The following RELN variants were observed in gnomAD, a reference collection of about 807,000 sequenced individuals.
The protein encoded by RELN is reelin.
RELN carries 108 observed loss-of-function variants against 427.6 expected under a neutral mutation model. That is an observed-to-expected ratio of 0.25 (90% CI 0.22 to 0.30). The LOEUF (loss-of-function observed/expected upper bound fraction) is 0.30, where lower values mean the gene tolerates loss of function less well. Ranked by LOEUF, RELN falls within the 10% of genes least tolerant of loss-of-function variation. The probability of loss-of-function intolerance (pLI) is 1.00; values close to 1 mark genes in which losing one functional copy is unlikely to be tolerated. For synonymous variants in RELN, 1,524 were observed against 1,513.4 expected, an observed-to-expected ratio of 1.01 and a Z score of -0.16; for missense variants, 3,715 against 4,302.8, an observed-to-expected ratio of 0.86 and a Z score of 3.82.
chr7:103,985,216 C>T (rs889036367), intron 1 of RELN, among the ~76,000 whole-genome samples: 2 of 152,058 alleles, frequency 1.3e-5, no homozygotes, highest in South Asian at 4.1e-4. Context: ...GCCGGACTTA[C>T]AAAATACAGT....
intron 22 of RELN, among the ~76,000 whole-genome samples, chr7:103,609,247 T>C (rs941923744): frequency 6.7e-5 from 10 of 148,864 alleles, no homozygotes; most frequent in African/African-American, 2.2e-4. Flanking sequence ...AAAAATACAC[T>C]ATCAGTAGTA....
intron 1 of RELN, among the ~76,000 whole-genome samples, chr7:103,922,084 AATAAG>A (rs1584369797): frequency 1.3e-5 from 2 of 152,314 alleles, no homozygotes. Context: ...ATAAGAATAA[AATAAG>A]ATAAAATTGA....
chr7:103,956,522 T>C (rs1249222277), intron 1 of RELN, among the ~76,000 whole-genome samples: 5 of 152,200 alleles, frequency 3.3e-5, no homozygotes, highest in African/African-American at 4.8e-5. Context: ...AAAAATCTTA[T>C]GAGAAAATCT....
At chr7:103,709,583 A>C (rs1789739232) in intron 8 of RELN, among the ~76,000 whole-genome samples, 1 of 152,196 alleles carries the variant, frequency 6.6e-6, no homozygotes, top group African/African-American at 2.4e-5. Context: ...TGAAGGGCCC[A>C]GGCAGCCTCT....
intron 51 of RELN, 29 bp from the exon 52 acceptor site, chr7:103,503,259 A>AT: frequency 6.3e-7 from 1 of 1,595,398 alleles, no homozygotes; most frequent in African/African-American, 1.3e-5. Flanking sequence ...AGATCAAGGT[A>AT]TTAAAACTAT....
rs1464002004 is a variant in RELN, at chr7:103,890,199, T to A, written c.337+26876A>T. On this transcript the variant is annotated intron_variant, in intron 2 of 64. Coordinates refer to ENST00000428762, the MANE Select transcript of RELN (RefSeq NM_005045.4). Reference sequence around the variant, plus strand: ...TTGGATCTGCATAGGCACTCTGAACTTTTTTTTTTTTTTTTAAGGTTTTTC... The same window carrying A: ...TTGGATCTGCATAGGCACTCTGAACATTTTTTTTTTTTTTTAAGGTTTTTC... Among the ~76,000 whole-genome samples, 4 of 6,918 alleles carry A rather than the reference T, an allele frequency of 5.8e-4. 1 individual carries two copies. The highest frequency in any genetic ancestry group is 1.4e-3 in the Non-Finnish European group (4 of 2,786). The allele number at this position is 6,918 out of a possible 152,430, so 4.5% of individuals were successfully genotyped here.
rs55656324 is a variant in RELN, at chr7:103,989,356, TGCCGCCGCC to T, written c.-9_-1del. 315 of 1,408,184 alleles carry T rather than the reference TGCCGCCGCC, an allele frequency of 2.2e-4. 17 individuals are homozygous for T. Among genetic ancestry groups the T allele is most frequent in the East Asian group, 1.5e-3 (48 of 31,812 alleles). 87.2% of individuals were successfully genotyped at this position (1,408,184 alleles called of 1,614,324 possible). A position where few individuals can be genotyped will look rare whatever the true frequency, so the allele number is the denominator to read the frequency against. ...TGCCGGGCCCAGCCACTGCGCTCCA[TGCCGCCGCC>T]GCCGCCGCCGCCGCCGCGCGCCCTA... On this transcript the variant is annotated 5_prime_UTR_variant, in exon 1 of 65. Coordinates refer to ENST00000428762, the MANE Select transcript of RELN (RefSeq NM_005045.4). This position sits in a 1 kb window ranked among gnomAD's most constrained non-coding sequence, Gnocchi z 4.9.
chr7:103,926,241 C>T (rs979545519), intron 1 of RELN, among the ~76,000 whole-genome samples: 18 of 151,434 alleles, frequency 1.2e-4, no homozygotes, highest in East Asian at 1.9e-4. Flanking sequence ...GCTGGGACTA[C>T]GGGTACGTGC....
intron 1 of RELN, among the ~76,000 whole-genome samples, chr7:103,934,543 T>C (rs778060735): frequency 6.6e-6 from 1 of 152,152 alleles, no homozygotes; most frequent in Non-Finnish European, 1.5e-5. Context: ...AATCACAACT[T>C]CCAAGGCTGA....
At chr7:103,935,821 T>C (rs919851787) in intron 1 of RELN, among the ~76,000 whole-genome samples, 4 of 152,148 alleles carry the variant, frequency 2.6e-5, no homozygotes, top group Non-Finnish European at 5.9e-5. Context: ...GCCCCTGACC[T>C]TATGGGGCAT....
At position 103,973,978 on chromosome 7, in the gene RELN, A is replaced by G. The variant is rs186916674; in HGVS notation, c.226+15153T>C. On this transcript the variant is annotated intron_variant, in intron 1 of 64. Coordinates refer to ENST00000428762, the MANE Select transcript of RELN (RefSeq NM_005045.4). ...GCCAACATGGTGAAACCCCATCTCT[A>G]CTAAAAATACAAAAATTAGCCAGGC... Among the ~76,000 whole-genome samples the G allele has an allele frequency of 7.7e-3, 1,176 of 152,198 alleles. 15 individuals carry two copies. Among genetic ancestry groups the G allele is most frequent in the African/African-American group, 0.026 (1,089 of 41,540 alleles).
rs139998895 is a variant in RELN, at chr7:103,922,931, T to A, written c.227-5746A>T. Among the ~76,000 whole-genome samples the A allele has an allele frequency of 5.3e-3, 813 of 152,252 alleles. 5 individuals carry two copies. Among genetic ancestry groups the A allele is most frequent in the Non-Finnish European group, 8.8e-3 (598 of 68,020 alleles). ...AATACTCGAAATGATGTTCCCATTT[T>A]TTTTTCAGAACGGCAAGCATCAGAG... On this transcript the variant is annotated intron_variant, in intron 1 of 64. Transcript: ENST00000428762.
chr7:103,954,336 A>T (rs1310896210), intron 1 of RELN, among the ~76,000 whole-genome samples: 1 of 152,204 alleles, frequency 6.6e-6, no homozygotes, highest in African/African-American at 2.4e-5. Flanking sequence ...TGCTAAGTAC[A>T]GTTGCCAAGT....
chr7:103,611,646 T>C lies in RELN; in HGVS notation c.2860A>G (p.Thr954Ala), dbSNP rs1471834146. 2 of 1,613,720 alleles carry C rather than the reference T, an allele frequency of 1.2e-6. No individual in the cohort carries two copies. The highest frequency in any genetic ancestry group is 2.7e-5 in the African/African-American group (2 of 74,890). The change falls in exon 21 of 65, where the codon ACC becomes GCC. Residue 954 changes from threonine (T) to alanine (A), a missense_variant. By Grantham distance (58) the Thr-to-Ala change is moderately conservative. Coordinates refer to ENST00000428762, the MANE Select transcript of RELN (RefSeq NM_005045.4). Reference protein sequence around the residue: ...MDNQVKLEYSTNHGLTWHLVQ... With the variant: ...MDNQVKLEYSANHGLTWHLVQ... The stretch of plus-strand genomic sequence containing the variant: ...AGGTGCCAGGTAAGGCCGTGGTTGG[T>C]TGAGTACTCCAGCTTCACCTGGTTG...
intron 16 of RELN, among the ~76,000 whole-genome samples, chr7:103,642,813 G>T (rs1192430766): frequency 6.6e-6 from 1 of 152,042 alleles, no homozygotes; most frequent in African/African-American, 2.4e-5. Context: ...GTGACAGCAA[G>T]AAAAAGTCAC....
chr7:103,793,880 C>G (rs1431503268), intron 3 of RELN, among the ~76,000 whole-genome samples: 1 of 152,114 alleles, frequency 6.6e-6, no homozygotes, highest in East Asian at 1.9e-4. Flanking sequence ...CATTCTCGTG[C>G]CTCAGCCTTC....
chr7:103,971,852 C>A (rs1796770463), intron 1 of RELN, among the ~76,000 whole-genome samples: 1 of 73,738 alleles, frequency 1.4e-5, no homozygotes, highest in South Asian at 2.7e-4. Flanking sequence ...GCGGGAGGAT[C>A]ATTTGAGGTC....
At chr7:103,549,013 C>T (rs768571743) in intron 41 of RELN, among the ~76,000 whole-genome samples, 1 of 151,720 alleles carries the variant, frequency 6.6e-6, no homozygotes, top group Non-Finnish European at 1.5e-5. Flanking sequence ...TAGGGTCGTT[C>T]GTTTTCTATT....
chr7:103,933,275 T>A (rs1461879894), intron 1 of RELN, among the ~76,000 whole-genome samples: 4 of 152,202 alleles, frequency 2.6e-5, no homozygotes, highest in African/African-American at 7.2e-5. Flanking sequence ...ATTATAATTT[T>A]GCATAATTTG....
Sources: gnomAD v4.1 joint callset for allele counts (sites outside exome capture counted in the v4.1 genomes callset) on GRCh38, gnomAD v4.1.1 for gene constraint, Gnocchi (gnomAD v3.1) non-coding constraint, MANE v1.5 for transcripts, NCBI Gene and HGNC (gene_info 2026-07-23, HGNC 2026-07-21) for gene names.